Variants in ST8SIA6 observed in about 807,000 individuals in gnomAD.
ST8SIA6 encodes the protein alpha-2,8-sialyltransferase 8F.
A neutral mutation model predicts 33.6 loss-of-function variants in ST8SIA6; 39 were observed. That is an observed-to-expected ratio of 1.16 (90% CI 0.90 to 1.52). ST8SIA6 has a LOEUF of 1.52. Ranked by LOEUF, ST8SIA6 falls within the 40% of genes most tolerant of loss-of-function variation. ST8SIA6 has a pLI of 0.00. For missense variants in ST8SIA6, 441 were observed against 443.8 expected (o/e 0.99, Z 0.06); for synonymous variants, 172 against 167.2 (o/e 1.03, Z -0.22).
intron 3 of ST8SIA6, among the ~76,000 whole-genome samples, chr10:17,374,756 T>A (rs1344959880): frequency 7.3e-6 from 1 of 137,450 alleles, no homozygotes; most frequent in African/African-American, 2.7e-5. Flanking sequence ...ATAATAAATA[T>A]ATATATATAT....
chr10:17,322,027 C>G (rs1022065406), intron 7 of ST8SIA6, among the ~76,000 whole-genome samples: 1 of 151,622 alleles, frequency 6.6e-6, no homozygotes, highest in East Asian at 1.9e-4. Context: ...CCCTTGAGCC[C>G]AGGAGTTTGA....
intron 4 of ST8SIA6, among the ~76,000 whole-genome samples, chr10:17,351,283 A>T (rs1218545470): frequency 6.6e-6 from 1 of 151,870 alleles, no homozygotes; most frequent in East Asian, 1.9e-4. Context: ...TTCCAAGACT[A>T]GATATCCAGT....
intron 3 of ST8SIA6, among the ~76,000 whole-genome samples, chr10:17,385,664 G>C (rs1850312973): frequency 6.6e-6 from 1 of 152,076 alleles, no homozygotes; most frequent in Admixed American, 6.6e-5. Flanking sequence ...GTAAAGGTAG[G>C]AACTGGCTAT....
intron 4 of ST8SIA6, among the ~76,000 whole-genome samples, chr10:17,348,555 A>G (rs1415447751): frequency 2.0e-5 from 3 of 152,150 alleles, no homozygotes; most frequent in Non-Finnish European, 4.4e-5. Flanking sequence ...GTGGAGAAAC[A>G]GGTAGGCAGT....
intron 3 of ST8SIA6, among the ~76,000 whole-genome samples, chr10:17,388,158 A>G (rs1850450319): frequency 6.6e-6 from 1 of 152,204 alleles, no homozygotes; most frequent in Admixed American, 6.5e-5. Context: ...TTCCTCACAC[A>G]GCAGGAAACT....
chr10:17,388,375 G>A (rs1035865933), intron 3 of ST8SIA6, among the ~76,000 whole-genome samples: 13 of 152,144 alleles, frequency 8.5e-5, no homozygotes, highest in African/African-American at 3.1e-4. Context: ...GCTCAGTGGA[G>A]AAACAGTTAA....
chr10:17,354,012 A>G (rs989580775), intron 4 of ST8SIA6, among the ~76,000 whole-genome samples: 2 of 152,202 alleles, frequency 1.3e-5, no homozygotes, highest in Non-Finnish European at 2.9e-5. Context: ...GGCTACAGAA[A>G]TGAATACAGT....
rs1178302591 is a variant in ST8SIA6 at position 17,318,648 on chromosome 10, T to C, written c.*2230A>G. 3 of 469,698 alleles carry C rather than the reference T, an allele frequency of 6.4e-6. No individual in the cohort carries two copies. The East Asian group carries it at 2.1e-4, about 33-fold the overall frequency. 29.1% of individuals were successfully genotyped at this position (469,698 alleles called of 1,614,324 possible). A position where few individuals can be genotyped will look rare whatever the true frequency, so the allele number is the denominator to read the frequency against. ...TAAGCAATGCTGATTACATACAGATTTCTTGGGAGTGTCACAGTCAGACTT... is the reference window on the plus strand; with the variant it reads ...TAAGCAATGCTGATTACATACAGATCTCTTGGGAGTGTCACAGTCAGACTT... On this transcript the variant is annotated 3_prime_UTR_variant, in exon 8 of 8. Transcript: ENST00000377602.
rs771470838 is a variant in ST8SIA6 at position 17,323,144 on chromosome 10, G to A, written c.649C>T (p.Pro217Ser). 1.2e-6 allele frequency: 2 copies of A among 1,612,940 alleles called. No individual in the cohort carries two copies. The highest frequency in any genetic ancestry group is 2.2e-5 in the East Asian group (1 of 44,826). The change falls in exon 7 of 8, where the codon CCA becomes TCA. Residue 217 changes from proline to serine, a missense_variant. Transcript: ENST00000377602. ...SDFVFRCNLP[P>S]TTGDVSKDVG... The stretch of plus-strand genomic sequence containing the variant: ...TCTTTACTAACATCTCCTGTGGTTG[G>A]GGGTAGGTTACACCTGAAATTTGAA...
intron 5 of ST8SIA6, among the ~76,000 whole-genome samples, chr10:17,327,613 C>A (rs559859719): frequency 8.4e-4 from 125 of 148,546 alleles, no homozygotes; most frequent in African/African-American, 2.9e-3. Context: ...ACAACAACAA[C>A]AAAAAACCAG....
intron 3 of ST8SIA6, among the ~76,000 whole-genome samples, chr10:17,373,413 C>G (rs1160182396): frequency 1.3e-5 from 2 of 152,132 alleles, no homozygotes; most frequent in Admixed American, 1.3e-4. Flanking sequence ...CCAAAACCTG[C>G]TGAATATGTT....
intron 2 of ST8SIA6, among the ~76,000 whole-genome samples, chr10:17,451,126 T>G (rs1283840696): frequency 7.1e-6 from 1 of 140,540 alleles, no homozygotes; most frequent in African/African-American, 2.5e-5. Flanking sequence ...ATTCAATGAA[T>G]TAAATGTAAA....
chr10:17,338,642 G>A (rs1412425594), intron 4 of ST8SIA6, among the ~76,000 whole-genome samples: 2 of 152,226 alleles, frequency 1.3e-5, no homozygotes, highest in Non-Finnish European at 2.9e-5. Flanking sequence ...TTCAAAGCCT[G>A]TATAACTGAG....
At position 17,323,145 on chromosome 10, in the gene ST8SIA6, G is replaced by A; in HGVS notation, c.648C>T (p.Pro216=). ...KSDFVFRCNL[P]PTTGDVSKDV... ...CTTTACTAACATCTCCTGTGGTTGGGGGTAGGTTACACCTGAAATTTGAAA... is the reference window on the plus strand; with the variant it reads ...CTTTACTAACATCTCCTGTGGTTGGAGGTAGGTTACACCTGAAATTTGAAA... The change falls in exon 7 of 8, where the codon CCC becomes CCT. Residue 216 remains proline (P), a synonymous_variant. Transcript: ENST00000377602. 1.2e-6 allele frequency: 2 copies of A among 1,613,060 alleles called. No homozygotes were observed. Among genetic ancestry groups the A allele is most frequent in the South Asian group, 2.2e-5 (2 of 90,928 alleles).
At chr10:17,378,796 G>GC (rs1468880968) in intron 3 of ST8SIA6, among the ~76,000 whole-genome samples, 1 of 152,110 alleles carries the variant, frequency 6.6e-6, no homozygotes, top group African/African-American at 2.4e-5. Context: ...AGGAATGATG[G>GC]CCTGCTCCAA....
chr10:17,359,086 T>A (rs1447544214), intron 4 of ST8SIA6, among the ~76,000 whole-genome samples: 1 of 152,190 alleles, frequency 6.6e-6, no homozygotes, highest in African/African-American at 2.4e-5. Context: ...GAATGTCACT[T>A]GTGTTAAAAA....
At chr10:17,374,752 A>AATAAAATATATATATATATATATATAT (rs1849849725) in intron 3 of ST8SIA6, among the ~76,000 whole-genome samples, 2 of 123,310 alleles carry the variant, frequency 1.6e-5, no homozygotes, top group African/African-American at 6.2e-5. Context: ...ATAAATAATA[A>AATAAAATATATATATATATATATATAT]ATATATATAT....
chr10:17,365,470 A>G (rs10904940), intron 3 of ST8SIA6, among the ~76,000 whole-genome samples: 31,120 of 152,180 alleles, frequency 0.2, 3,529 homozygotes, highest in East Asian at 0.51. Context: ...TTCCAGAAAT[A>G]AACAATTCAT....
intron 2 of ST8SIA6, among the ~76,000 whole-genome samples, chr10:17,393,731 G>T (rs1588881172): frequency 6.6e-6 from 1 of 152,194 alleles, no homozygotes; most frequent in South Asian, 2.1e-4. Flanking sequence ...GATGTGGGAA[G>T]TGAGGGATAG....
Sources: gnomAD v4.1 joint callset for allele counts (sites outside exome capture counted in the v4.1 genomes callset) on GRCh38, gnomAD v4.1.1 for gene constraint, MANE v1.5 for transcripts, NCBI Gene and HGNC (gene_info 2026-07-23, HGNC 2026-07-21) for gene names.